The following ZNF676 variants were observed in gnomAD, a reference collection of about 807,000 sequenced individuals.
ZNF676 encodes the protein zinc finger protein 676.
A neutral mutation model predicts 6.0 loss-of-function variants in ZNF676; 4 were observed. The ratio of observed to expected loss-of-function variants is 0.67; its 90% confidence interval spans 0.33 to 1.53. The LOEUF is 1.53. Among genes scored for constraint, ZNF676 ranks in the 40% most tolerant of loss-of-function variants. The probability of loss-of-function intolerance (pLI) is 0.06; values close to 1 mark genes in which losing one functional copy is unlikely to be tolerated. For missense variants in ZNF676, 644 were observed against 679.7 expected, an observed-to-expected ratio of 0.95 and a Z score of 0.58; for synonymous variants, 198 against 223.1, an observed-to-expected ratio of 0.89 and a Z score of 1.00.
the ZNF676 span, among the ~76,000 whole-genome samples, chr19:22,232,319 T>G: frequency 6.6e-6 from 1 of 151,862 alleles, no homozygotes; most frequent in East Asian, 1.9e-4. Flanking sequence ...AGGCGTGCAC[T>G]ACCACCCCCA....
chr19:22,198,118 T>C (rs572224428), upstream of ZNF676, among the ~76,000 whole-genome samples: 12 of 152,274 alleles, frequency 7.9e-5, no homozygotes, highest in African/African-American at 1.2e-4. Flanking sequence ...TTGTACTGCA[T>C]AGACATAATA....
chr19:22,250,097 G>A, the ZNF676 span, among the ~76,000 whole-genome samples: 2 of 151,862 alleles, frequency 1.3e-5, no homozygotes, highest in South Asian at 2.1e-4. Context: ...CAGGAGAATT[G>A]CTTGAGCCCA....
the ZNF676 span, among the ~76,000 whole-genome samples, chr19:22,232,394 T>C: frequency 6.6e-6 from 1 of 152,098 alleles, no homozygotes; most frequent in Non-Finnish European, 1.5e-5. Flanking sequence ...TCTTGATCTC[T>C]TGACCTTGTG....
At chr19:22,222,360 C>A in the ZNF676 span, among the ~76,000 whole-genome samples, 1 of 152,140 alleles carries the variant, frequency 6.6e-6, no homozygotes, top group African/African-American at 2.4e-5. Flanking sequence ...CCTGCCTCGG[C>A]CTCCCAGAGT....
At chr19:22,206,211 ATAGAAGCTGATAT>A (rs1272082128) in intron 1 of ZNF676, among the ~76,000 whole-genome samples, 1 of 152,170 alleles carries the variant, frequency 6.6e-6, no homozygotes, top group Non-Finnish European at 1.5e-5. Context: ...AGATGTACAA[ATAGAAGCTGATAT>A]TATTTCTACC....
At position 22,182,593 on chromosome 19, in the gene ZNF676, A is replaced by AAAAAAAAACAAAAAAC. The variant is rs1555773391; in HGVS notation, c.131-1008_131-1007insGTTTTTTGTTTTTTTT. ...TGATATAGTCAAAGTTCTAAAAAAA[A>AAAAAAAAACAAAAAAC]AAAAAAAAAGCAAACAAAAAAAAGA... is the stretch of plus-strand genomic sequence containing the variant. On this transcript the variant is annotated intron_variant, in intron 2 of 2. Coordinates refer to ENST00000397121, the MANE Select transcript of ZNF676 (RefSeq NM_001001411.3). 9.0e-3 allele frequency among the ~76,000 whole-genome samples: 814 copies of AAAAAAAAACAAAAAAC among 90,940 alleles called. 37 individuals are homozygous for AAAAAAAAACAAAAAAC. Among genetic ancestry groups the AAAAAAAAACAAAAAAC allele is most frequent in the African/African-American group, 0.033 (740 of 22,198 alleles). 59.7% of individuals were successfully genotyped at this position (90,940 alleles called of 152,430 possible).
At chr19:22,218,651 C>T (rs1453973269), upstream of ZNF676, among the ~76,000 whole-genome samples, 2 of 151,950 alleles carry the variant, frequency 1.3e-5, no homozygotes, top group Non-Finnish European at 2.9e-5. Context: ...GCCGAAGATC[C>T]AGTTTTATTC....
At chr19:22,186,214 G>C (rs1027510830) in intron 2 of ZNF676, among the ~76,000 whole-genome samples, 1 of 152,160 alleles carries the variant, frequency 6.6e-6, no homozygotes, top group Admixed American at 6.5e-5. Flanking sequence ...AGAAGACTGG[G>C]GGGCCAATAT....
In ZNF676 at chr19:22,193,106, C is replaced by T; in HGVS notation, c.40G>A (p.Ala14Thr). 1.3e-6 allele frequency: 2 copies of T among 1,593,754 alleles called. No individual in the cohort carries two copies. Among genetic ancestry groups the T allele is most frequent in the South Asian group, 1.1e-5 (1 of 86,988 alleles). The change falls in exon 2 of 3, where the codon GCT (alanine) becomes ACT (threonine). Residue 14 changes from alanine to threonine, a missense_variant. By Grantham distance (58) the Ala-to-Thr change is moderately conservative (BLOSUM62 0). Coordinates refer to ENST00000397121, the MANE Select transcript of ZNF676 (RefSeq NM_001001411.3). ...NYRNLVFLGI[A>T]AFKPDLIIFL... ...ATGATCAGGTCTGGCTTAAAGGCAG[C>T]AATACCTGTTTTATTAAAAATGAAC...
chr19:22,188,057 A>C (rs1018463976), intron 2 of ZNF676, among the ~76,000 whole-genome samples: 1 of 152,090 alleles, frequency 6.6e-6, no homozygotes, highest in African/African-American at 2.4e-5. Context: ...GAGACACAAC[A>C]AAAAAAGAAA....
chr19:22,180,217 AG>A lies in ZNF676; in HGVS notation c.1499del (p.Thr500MetfsTer26), dbSNP rs1164544315. On this transcript the variant is annotated frameshift_variant, in exon 3 of 3. Coordinates refer to ENST00000397121, the MANE Select transcript of ZNF676 (RefSeq NM_001001411.3). LOFTEE classifies it low-confidence loss of function (END_TRUNC). Reference sequence around the variant, plus strand: ...CTTCACATTTGTAGCGTTTCTCTCCAGTATGAATTATCTTATGTTTAGTAAG... The same window carrying A: ...CTTCACATTTGTAGCGTTTCTCTCCATATGAATTATCTTATGTTTAGTAAG... Reference protein sequence around the residue: ...SILTKHKIIHTGEKRYKCEEC... With the variant: ...SILTKHKIIHXGEKRYKCEEC... 1 of 1,613,682 alleles carries A rather than the reference AG, an allele frequency of 6.2e-7. No homozygotes were observed. The highest frequency in any genetic ancestry group is 1.3e-5 in the African/African-American group (1 of 74,914).
upstream of ZNF676, among the ~76,000 whole-genome samples, chr19:22,219,956 G>A (rs1379635522): frequency 6.6e-6 from 1 of 152,054 alleles, no homozygotes; most frequent in African/African-American, 2.4e-5. Flanking sequence ...CGCCCAGCCT[G>A]TCATAGATGG....
chr19:22,186,609 T>C (rs1344741316), intron 2 of ZNF676, among the ~76,000 whole-genome samples: 2 of 152,122 alleles, frequency 1.3e-5, no homozygotes, highest in African/African-American at 4.8e-5. Flanking sequence ...AGATTCAAGA[T>C]CCAACAAAGT....
chr19:22,214,855 CGG>C (rs2024166812), intron 1 of ZNF676, among the ~76,000 whole-genome samples: 1 of 151,328 alleles, frequency 6.6e-6, no homozygotes, highest in East Asian at 2.0e-4. Context: ...CTGACTAACA[CGG>C]TGAAACTCCG....
chr19:22,190,646 T>TGTTGC (rs2144751174), intron 2 of ZNF676, among the ~76,000 whole-genome samples: 1 of 128,778 alleles, frequency 7.8e-6, no homozygotes, highest in South Asian at 2.3e-4. Flanking sequence ...TATATATATA[T>TGTTGC]ATATATATAT....
chr19:22,183,741 A>G (rs2023793682), intron 2 of ZNF676, among the ~76,000 whole-genome samples: 1 of 152,240 alleles, frequency 6.6e-6, no homozygotes, highest in East Asian at 1.9e-4. Flanking sequence ...GGAAGTAGAC[A>G]TTTCATGCAA....
the ZNF676 span, among the ~76,000 whole-genome samples, chr19:22,242,929 C>T: frequency 6.6e-6 from 1 of 151,844 alleles, no homozygotes; most frequent in African/African-American, 2.4e-5. Context: ...GTACTGGTCC[C>T]AGAAAGGAGA....
chr19:22,191,704 A>G (rs2023909585), intron 2 of ZNF676, among the ~76,000 whole-genome samples: 1 of 152,138 alleles, frequency 6.6e-6, no homozygotes, highest in South Asian at 2.1e-4. Flanking sequence ...TCTGTCCAAA[A>G]ATAAAATGGG....
the ZNF676 span, among the ~76,000 whole-genome samples, chr19:22,220,963 T>C: frequency 2.0e-4 from 31 of 152,234 alleles, no homozygotes; most frequent in African/African-American, 6.8e-4. Context: ...ATCTTCTTTC[T>C]GCTTTTCTGG....
Sources: gnomAD v4.1 joint callset for allele counts (sites outside exome capture counted in the v4.1 genomes callset) on GRCh38, gnomAD v4.1.1 for gene constraint, MANE v1.5 for transcripts, NCBI Gene and HGNC (gene_info 2026-07-23, HGNC 2026-07-21) for gene names.